The following ST6GALNAC3 variants were observed in gnomAD, a reference collection of about 807,000 sequenced individuals.
ST6GALNAC3 encodes alpha-N-acetylgalactosaminide alpha-2,6-sialyltransferase 3.
A neutral mutation model predicts 32.7 loss-of-function variants in ST6GALNAC3; 25 were observed. That is an observed-to-expected ratio of 0.76 (90% CI 0.56 to 1.07). The LOEUF is 1.07. Ranked by LOEUF, ST6GALNAC3 falls within the 50% of genes least tolerant of loss-of-function variation. The pLI is 0.00. For missense variants in ST6GALNAC3, 355 were observed against 382.4 expected, an observed-to-expected ratio of 0.93 and a Z score of 0.60; for synonymous variants, 129 against 133.1, an observed-to-expected ratio of 0.97 and a Z score of 0.21.
chr1:76,443,447 A>T (rs1656756518), intron 3 of ST6GALNAC3, among the ~76,000 whole-genome samples: 1 of 152,186 alleles, frequency 6.6e-6, no homozygotes, highest in African/African-American at 2.4e-5. Flanking sequence ...CGGCCTTAAG[A>T]GTGAGGACGC....
intron 2 of ST6GALNAC3, among the ~76,000 whole-genome samples, chr1:76,337,177 G>T (rs1647555094): frequency 6.6e-6 from 1 of 152,160 alleles, no homozygotes; most frequent in Admixed American, 6.5e-5. Flanking sequence ...TTAAGCAAAA[G>T]CAGGGCTAAC....
intron 1 of ST6GALNAC3, among the ~76,000 whole-genome samples, chr1:76,211,253 T>C (rs1195104303): frequency 1.3e-5 from 2 of 152,170 alleles, no homozygotes; most frequent in Non-Finnish European, 1.5e-5. Flanking sequence ...CTCACACCAG[T>C]TAGAATGGCA....
At chr1:76,119,938 T>G (rs1037627353) in intron 1 of ST6GALNAC3, among the ~76,000 whole-genome samples, 1 of 152,188 alleles carries the variant, frequency 6.6e-6, no homozygotes, top group African/African-American at 2.4e-5. Flanking sequence ...TAAGAGGTTG[T>G]AGGAAGAATA....
At chr1:76,636,641 G>A (rs1032473185), downstream of ST6GALNAC3, among the ~76,000 whole-genome samples, 1 of 151,964 alleles carries the variant, frequency 6.6e-6, no homozygotes, top group Non-Finnish European at 1.5e-5. Flanking sequence ...TTTACTTCCC[G>A]AGACTTTCTA....
chr1:76,217,943 A>G (rs1025188625), intron 1 of ST6GALNAC3, among the ~76,000 whole-genome samples: 4 of 151,742 alleles, frequency 2.6e-5, no homozygotes, highest in African/African-American at 9.7e-5. Context: ...TTGGTTTTAT[A>G]TTTTGGCAAT....
rs1649230181 is a variant in ST6GALNAC3, at chr1:76,630,366, A to G, written c.*1560A>G. The stretch of plus-strand genomic sequence containing the variant: ...GTTCTATTTAGGTGGGGAAAAAATG[A>G]AAAAGCAGGGACAACAGGAGGAAAT... On this transcript the variant is annotated 3_prime_UTR_variant, in exon 5 of 5. Transcript: ENST00000328299. 1 of 985,138 alleles carries G rather than the reference A, an allele frequency of 1.0e-6. No homozygotes were observed. The highest frequency in any genetic ancestry group is 1.2e-6 in the Non-Finnish European group (1 of 829,830). The allele number at this position is 985,138 out of a possible 1,614,324, so 61.0% of individuals were successfully genotyped here.
At chr1:76,508,659 G>A (rs1300918545) in intron 3 of ST6GALNAC3, among the ~76,000 whole-genome samples, 1 of 152,104 alleles carries the variant, frequency 6.6e-6, no homozygotes, top group Non-Finnish European at 1.5e-5. Flanking sequence ...AATGCAGAGA[G>A]CTTCACAGCA....
At chr1:76,400,201 T>A (rs973135241) in intron 2 of ST6GALNAC3, among the ~76,000 whole-genome samples, 7 of 152,216 alleles carry the variant, frequency 4.6e-5, no homozygotes, top group Admixed American at 3.9e-4. Context: ...AGGAAGTCCC[T>A]TGTTGTTTTC....
At chr1:76,470,870 T>C (rs1273742697) in intron 3 of ST6GALNAC3, among the ~76,000 whole-genome samples, 4 of 152,002 alleles carry the variant, frequency 2.6e-5, no homozygotes, top group African/African-American at 9.7e-5. Context: ...GAAGTAGAAA[T>C]TGGATGTTGT....
intron 1 of ST6GALNAC3, among the ~76,000 whole-genome samples, chr1:76,183,096 A>C (rs1190920726): frequency 6.6e-6 from 1 of 152,146 alleles, no homozygotes; most frequent in East Asian, 1.9e-4. Context: ...GTTATGGAGA[A>C]GTCTAGAAAG....
intron 3 of ST6GALNAC3, among the ~76,000 whole-genome samples, chr1:76,510,949 T>TA (rs533335582): frequency 1.1e-3 from 171 of 152,250 alleles, no homozygotes; most frequent in African/African-American, 3.9e-3. Context: ...ATCATAAAAT[T>TA]AAAAAAACTG....
At chr1:76,117,925 G>A (rs564052607) in intron 1 of ST6GALNAC3, among the ~76,000 whole-genome samples, 8 of 152,234 alleles carry the variant, frequency 5.3e-5, no homozygotes, top group Admixed American at 1.3e-4. Context: ...TACCTACTTC[G>A]TGGGACTATT....
At chr1:76,344,946 C>A (rs1648375567) in intron 2 of ST6GALNAC3, among the ~76,000 whole-genome samples, 1 of 152,200 alleles carries the variant, frequency 6.6e-6, no homozygotes, top group African/African-American at 2.4e-5. Flanking sequence ...CAGCCTTCCT[C>A]TGCACACACT....
chr1:76,280,437 A>G (rs1235899129), intron 1 of ST6GALNAC3, among the ~76,000 whole-genome samples: 4 of 152,128 alleles, frequency 2.6e-5, no homozygotes, highest in Non-Finnish European at 4.4e-5. Context: ...TAGTACTTTC[A>G]GCATTTATCA....
At chr1:76,595,689 GCACACA>G (rs55816071) in intron 3 of ST6GALNAC3, among the ~76,000 whole-genome samples, 8 of 150,910 alleles carry the variant, frequency 5.3e-5, no homozygotes, top group Non-Finnish European at 1.2e-4. Flanking sequence ...TCATACACAC[GCACACA>G]CACACACACA....
intron 1 of ST6GALNAC3, among the ~76,000 whole-genome samples, chr1:76,126,182 C>A (rs565926504): frequency 1.4e-4 from 21 of 152,270 alleles, no homozygotes; most frequent in African/African-American, 5.1e-4. Flanking sequence ...GAGAAACAAC[C>A]ACAAAGAGTC....
intron 3 of ST6GALNAC3, among the ~76,000 whole-genome samples, chr1:76,412,732 A>C (rs921765668): frequency 6.6e-6 from 1 of 152,074 alleles, no homozygotes; most frequent in African/African-American, 2.4e-5. Flanking sequence ...GAGGAAGCCT[A>C]AACATTTCTG....
At chr1:76,299,134 T>C (rs1446288151) in intron 1 of ST6GALNAC3, among the ~76,000 whole-genome samples, 1 of 152,092 alleles carries the variant, frequency 6.6e-6, no homozygotes, top group East Asian at 1.9e-4. Flanking sequence ...CAGCAAATGC[T>C]GTTTTTAAGT....
rs138816470 is a variant in ST6GALNAC3, at chr1:76,320,961, T to TACAC, written c.213+6963_213+6964insCACA. On this transcript the variant is annotated intron_variant, in intron 2 of 4. Transcript: ENST00000328299. ...TGTAAATGGTGTAAAATGGTATATATATACACACACACACACACACACATT... is the reference window on the plus strand; with the variant it reads ...TGTAAATGGTGTAAAATGGTATATATACACATACACACACACACACACACACATT... Among the ~76,000 whole-genome samples, 119 of 149,700 alleles carry TACAC rather than the reference T, an allele frequency of 7.9e-4. 1 individual carries two copies. The highest frequency in any genetic ancestry group is 1.8e-3 in the Admixed American group (27 of 15,014).
Sources: gnomAD v4.1 joint callset for allele counts (sites outside exome capture counted in the v4.1 genomes callset) on GRCh38, gnomAD v4.1.1 for gene constraint, MANE v1.5 for transcripts, NCBI Gene and HGNC (gene_info 2026-07-23, HGNC 2026-07-21) for gene names.